The following SIRPG variants were observed in gnomAD, a reference collection of about 807,000 sequenced individuals.
SIRPG encodes the protein signal regulatory protein gamma, also known as signal-regulatory protein gamma.
SIRPG carries 38 observed loss-of-function variants against 35.7 expected under a neutral mutation model. The observed-to-expected ratio is 1.06, with a 90% CI of 0.82 to 1.40. The LOEUF (loss-of-function observed/expected upper bound fraction) is 1.40, where lower values mean the gene tolerates loss of function less well. Ranked by LOEUF, SIRPG falls within the 40% of genes most tolerant of loss-of-function variation. The pLI is 0.00. For missense variants in SIRPG, 519 were observed against 483.0 expected (o/e 1.07, Z -0.70); for synonymous variants, 215 against 190.4 (o/e 1.13, Z -1.06).
At chr20:1,682,159 G>T in the SIRPG span, among the ~76,000 whole-genome samples, 1 of 152,132 alleles carries the variant, frequency 6.6e-6, no homozygotes, top group African/African-American at 2.4e-5. Context: ...CAGATTGGGG[G>T]ACTTTGAGGG....
intron 2 of SIRPG, among the ~76,000 whole-genome samples, chr20:1,641,697 C>G (rs565852536): frequency 2.0e-5 from 3 of 152,078 alleles, no homozygotes; most frequent in Admixed American, 1.3e-4. Context: ...GTGTTGATTT[C>G]AGATCTTTCT....
chr20:1,635,237 A>C (rs62186949), intron 4 of SIRPG, 30 bp downstream of exon 4: 1 of 1,540,260 alleles, frequency 6.5e-7, no homozygotes, highest in Non-Finnish European at 8.8e-7. Flanking sequence ...AGAGAAAAAG[A>C]CAAAATTTAA....
At chr20:1,662,028 TC>T (rs1286023873), upstream of SIRPG, among the ~76,000 whole-genome samples, 4 of 152,114 alleles carry the variant, frequency 2.6e-5, no homozygotes, top group Non-Finnish European at 4.4e-5. Context: ...TGAAACCCAG[TC>T]CCCTGCACAA....
At chr20:1,635,736 G>A (rs534636166) in intron 3 of SIRPG, 137 bp from the exon 4 acceptor site, 3 of 907,876 alleles carry the variant, frequency 3.3e-6, no homozygotes, top group Non-Finnish European at 5.0e-6. Context: ...CTAAGACATT[G>A]AGGGCGCTCT....
chr20:1,643,829 C>A (rs2091875674), intron 2 of SIRPG, among the ~76,000 whole-genome samples: 1 of 152,184 alleles, frequency 6.6e-6, no homozygotes, highest in Non-Finnish European at 1.5e-5. Flanking sequence ...CCCTTCCCTG[C>A]AAGGCTGCTG....
At chr20:1,644,558 G>A (rs1197014970) in intron 2 of SIRPG, among the ~76,000 whole-genome samples, 2 of 152,042 alleles carry the variant, frequency 1.3e-5, no homozygotes, top group African/African-American at 4.8e-5. Context: ...TTAAACAGCA[G>A]GCAGCCACAG....
intron 2 of SIRPG, among the ~76,000 whole-genome samples, chr20:1,641,568 AT>A (rs1422030979): frequency 6.6e-6 from 1 of 151,744 alleles, no homozygotes; most frequent in Non-Finnish European, 1.5e-5. Context: ...GGATTCATTG[AT>A]TTTTTGAAGG....
chr20:1,640,670 C>T (rs1468848265), intron 2 of SIRPG, among the ~76,000 whole-genome samples: 3 of 152,152 alleles, frequency 2.0e-5, no homozygotes, highest in South Asian at 2.1e-4. Context: ...TTAGAGAGGG[C>T]GTCCTTGTCT....
At chr20:1,674,670 C>T in the SIRPG span, among the ~76,000 whole-genome samples, 2 of 152,180 alleles carry the variant, frequency 1.3e-5, no homozygotes, top group African/African-American at 4.8e-5. Context: ...CCTCACAGAA[C>T]CCAGAGTGGG....
At chr20:1,657,171 C>A (rs1240806815) in intron 1 of SIRPG, among the ~76,000 whole-genome samples, 1 of 152,122 alleles carries the variant, frequency 6.6e-6, no homozygotes, top group Non-Finnish European at 1.5e-5. Flanking sequence ...CTGCTGGCAT[C>A]TTGATTTTGC....
chr20:1,649,440 A>C (rs892083448), intron 1 of SIRPG, 32 bp from the exon 2 acceptor site: 4 of 1,551,480 alleles, frequency 2.6e-6, no homozygotes, highest in Non-Finnish European at 2.6e-6. Context: ...TCATTTTTTC[A>C]TCCTTACATA....
upstream of SIRPG, among the ~76,000 whole-genome samples, chr20:1,660,310 G>C (rs1241774036): frequency 6.6e-6 from 1 of 152,140 alleles, no homozygotes; most frequent in Non-Finnish European, 1.5e-5. Flanking sequence ...TTATGTAGGG[G>C]AAATTTCCTG....
At chr20:1,679,816 T>C in the SIRPG span, among the ~76,000 whole-genome samples, 1 of 150,990 alleles carries the variant, frequency 6.6e-6, no homozygotes, top group East Asian at 2.0e-4. Context: ...CTTGCTAATT[T>C]GCTACTCTGA....
At chr20:1,645,301 G>A (rs897500492) in intron 2 of SIRPG, among the ~76,000 whole-genome samples, 1 of 152,148 alleles carries the variant, frequency 6.6e-6, no homozygotes, top group African/African-American at 2.4e-5. Flanking sequence ...CCTTTGCCAG[G>A]GGACTGGGTA....
At chr20:1,663,774 G>A in the SIRPG span, among the ~76,000 whole-genome samples, 17 of 152,256 alleles carry the variant, frequency 1.1e-4, no homozygotes, top group African/African-American at 4.1e-4. Context: ...GAGCAACAGG[G>A]TTAGGAAAGT....
the SIRPG span, among the ~76,000 whole-genome samples, chr20:1,672,080 T>C: frequency 1.3e-5 from 2 of 152,160 alleles, no homozygotes; most frequent in African/African-American, 2.4e-5. Flanking sequence ...AGTGGTGCCA[T>C]TGTGAGAGCT....
At chr20:1,638,707 C>T (rs1473578423) in intron 2 of SIRPG, among the ~76,000 whole-genome samples, 2 of 151,832 alleles carry the variant, frequency 1.3e-5, no homozygotes, top group African/African-American at 4.8e-5. Context: ...ACTTATCAAC[C>T]CATCATCTAG....
At chr20:1,657,941 G>A (rs902798200), upstream of SIRPG, among the ~76,000 whole-genome samples, 1 of 152,216 alleles carries the variant, frequency 6.6e-6, no homozygotes, top group Non-Finnish European at 1.5e-5. Context: ...ATCAGACAGG[G>A]TTAGCAGAAA....
At chr20:1,666,577 T>G in the SIRPG span, 1 of 152,294 alleles carries the variant, frequency 6.6e-6, no homozygotes, top group South Asian at 2.1e-4. Flanking sequence ...TGATCAGCAG[T>G]AGGATCATAC....
Sources: gnomAD v4.1 joint callset for allele counts (sites outside exome capture counted in the v4.1 genomes callset) on GRCh38, gnomAD v4.1.1 for gene constraint, MANE v1.5 for transcripts, NCBI Gene and HGNC (gene_info 2026-07-23, HGNC 2026-07-21) for gene names.